Variants in IQSEC1 observed in about 807,000 individuals in gnomAD.
IQSEC1 encodes the protein IQ motif and SEC7 domain-containing protein 1.
A neutral mutation model predicts 91.0 loss-of-function variants in IQSEC1; 31 were observed. The observed-to-expected ratio is 0.34, with a 90% CI of 0.26 to 0.46. The LOEUF is 0.46. Among genes scored for constraint, IQSEC1 ranks in the 20% least tolerant of loss-of-function variants. IQSEC1 has a pLI of 1.00. For missense variants in IQSEC1, 1,388 were observed against 1,575.6 expected (o/e 0.88, Z 2.02); for synonymous variants, 699 against 662.6 (o/e 1.05, Z -0.84).
chr3:13,254,304 G>A (rs1165328079), intron 1 of IQSEC1, among the ~76,000 whole-genome samples: 2 of 152,284 alleles, frequency 1.3e-5, no homozygotes, highest in African/African-American at 4.8e-5. Context: ...CTGAGGCCTC[G>A]CTGGCCAGGA....
chr3:13,005,166 T>C (rs1418816785), intron 1 of IQSEC1, among the ~76,000 whole-genome samples: 3 of 152,318 alleles, frequency 2.0e-5, no homozygotes, highest in African/African-American at 7.2e-5. Flanking sequence ...GGGGTTAATA[T>C]GGCATGGGGG....
At chr3:12,928,846 ACTGAACTGTGAG>A (rs1697388866) in intron 3 of IQSEC1, among the ~76,000 whole-genome samples, 1 of 152,110 alleles carries the variant, frequency 6.6e-6, no homozygotes, top group African/African-American at 2.4e-5. Flanking sequence ...TGCTTCAGCC[ACTGAACTGTGAG>A]CTGAGGGGTC....
intron 1 of IQSEC1, among the ~76,000 whole-genome samples, chr3:13,194,230 C>T (rs762666068): frequency 2.0e-5 from 3 of 152,040 alleles, no homozygotes; most frequent in Non-Finnish European, 2.9e-5. Context: ...GTAACTCAGC[C>T]GGGAGCAGTT....
chr3:13,079,458 G>A lies in IQSEC1; in HGVS notation c.303-31936C>T, dbSNP rs547137079. Among the ~76,000 whole-genome samples the A allele has an allele frequency of 8.5e-5, 13 of 152,318 alleles. No individual in the cohort carries two copies. In the South Asian group the frequency reaches 1.0e-3, roughly 12 times the overall value. ...AGCCACTTGCCTCCTTCTGGTTGCC[G>A]CTTCTTTAATCTCTGGGACTCTGGG... On this transcript the variant is annotated intron_variant, in intron 2 of 15. Transcript: ENST00000648114.
intron 1 of IQSEC1, among the ~76,000 whole-genome samples, chr3:13,031,424 C>T (rs919607042): frequency 1.3e-5 from 2 of 152,184 alleles, no homozygotes; most frequent in African/African-American, 4.8e-5. Flanking sequence ...ACATGGAATC[C>T]AAAAGCTATA....
In IQSEC1 at chr3:12,997,416, CAG is replaced by C. The variant is rs551835088; in HGVS notation, c.24-55553_24-55552del. Among the ~76,000 whole-genome samples the C allele has an allele frequency of 4.3e-4, 66 of 152,328 alleles. 1 individual carries two copies. Among genetic ancestry groups the C allele is most frequent in the African/African-American group, 1.3e-3 (52 of 41,572 alleles). ...TAATAATTGATTTTTAAAAGGTCAA[CAG>C]GGGTTATCTGGGCACAAGCTGATGG... is the stretch of plus-strand genomic sequence containing the variant. On this transcript the variant is annotated intron_variant, in intron 1 of 13. Transcript: ENST00000613206.
intron 1 of IQSEC1, among the ~76,000 whole-genome samples, chr3:13,013,090 A>G (rs1702963010): frequency 6.8e-6 from 1 of 146,274 alleles, no homozygotes; most frequent in African/African-American, 2.5e-5. Context: ...CCTCCCAAGT[A>G]GCTGGGATTA....
At chr3:12,928,385 G>A (rs1049986768) in intron 3 of IQSEC1, among the ~76,000 whole-genome samples, 1 of 152,228 alleles carries the variant, frequency 6.6e-6, no homozygotes, top group African/African-American at 2.4e-5. Context: ...GCTCAGTGAG[G>A]GGGCCTAGGC....
At chr3:13,225,464 T>C (rs1694735681) in intron 1 of IQSEC1, among the ~76,000 whole-genome samples, 1 of 152,208 alleles carries the variant, frequency 6.6e-6, no homozygotes, top group Non-Finnish European at 1.5e-5. Context: ...CTCTGGAACA[T>C]ATGGGCTGTG....
chr3:13,012,964 C>CTTTTTGTTTTTTTTTTTT (rs1702953200), intron 1 of IQSEC1, among the ~76,000 whole-genome samples: 1 of 97,544 alleles, frequency 1.0e-5, no homozygotes, highest in East Asian at 2.5e-4. Context: ...AAAGTCTGGG[C>CTTTTTGTTTTTTTTTTTT]TTTTTTTTTT....
At chr3:13,080,747 C>A (rs1705635422) in intron 2 of IQSEC1, among the ~76,000 whole-genome samples, 1 of 152,186 alleles carries the variant, frequency 6.6e-6, no homozygotes, top group South Asian at 2.1e-4. Context: ...AGCCTGGGAA[C>A]TGGGCTGTGC....
At chr3:12,952,744 A>G (rs1159101495) in intron 1 of IQSEC1, among the ~76,000 whole-genome samples, 1 of 151,906 alleles carries the variant, frequency 6.6e-6, no homozygotes, top group East Asian at 1.9e-4. Flanking sequence ...TGCTGTTCCC[A>G]CTGCTCAGAG....
chr3:12,917,204 A>G (rs776635675), intron 6 of IQSEC1, among the ~76,000 whole-genome samples: 9 of 152,156 alleles, frequency 5.9e-5, no homozygotes, highest in African/African-American at 1.4e-4. Flanking sequence ...CATCCTCACC[A>G]GAGTGCTCCA....
intron 1 of IQSEC1, among the ~76,000 whole-genome samples, chr3:13,175,842 C>T (rs60262169): frequency 0.13 from 20,292 of 152,208 alleles, 1,506 homozygotes; most frequent in Middle Eastern, 0.19. Flanking sequence ...GCTCACCTCT[C>T]GGGTCCTTTA....
chr3:13,033,527 A>G (rs1576194443), intron 1 of IQSEC1, among the ~76,000 whole-genome samples: 1 of 152,084 alleles, frequency 6.6e-6, no homozygotes, highest in Admixed American at 6.6e-5. Context: ...GTATATGTAT[A>G]TATATACATA....
intron 1 of IQSEC1, among the ~76,000 whole-genome samples, chr3:13,023,333 C>A (rs1703483526): frequency 6.6e-6 from 1 of 152,162 alleles, no homozygotes; most frequent in African/African-American, 2.4e-5. Context: ...TGCTCCCAGG[C>A]CCAGCCCAGG....
At chr3:12,955,457 G>A (rs965357339) in intron 1 of IQSEC1, among the ~76,000 whole-genome samples, 3 of 152,222 alleles carry the variant, frequency 2.0e-5, no homozygotes, top group Non-Finnish European at 4.4e-5. Context: ...TGAGGCTCTG[G>A]ATAGGGGGCC....
chr3:13,124,675 C>T (rs149878330), intron 2 of IQSEC1, among the ~76,000 whole-genome samples: 14 of 152,266 alleles, frequency 9.2e-5, no homozygotes, highest in Non-Finnish European at 1.5e-4. Flanking sequence ...AGGGCACTGG[C>T]GGGACTGTCA....
At position 12,909,979 on chromosome 3, in the gene IQSEC1, C is replaced by A. The variant is rs974744090; in HGVS notation, c.2417-545G>T. ...CACTGGATGTTTGAAGGTTCTTGGA[C>A]CAAGTACCAATCCCACCTTGGCTCA... On this transcript the variant is annotated intron_variant, in intron 10 of 13. Coordinates refer to ENST00000613206, the MANE Select transcript of IQSEC1 (RefSeq NM_001134382.3). The surrounding 1 kb of genome is among the most constrained non-coding windows in gnomAD (Gnocchi z 4.9). Among the ~76,000 whole-genome samples the A allele has an allele frequency of 7.2e-5, 11 of 152,212 alleles. 1 individual carries two copies. Among genetic ancestry groups the A allele is most frequent in the Non-Finnish European group, 1.2e-4 (8 of 68,034 alleles).
Sources: gnomAD v4.1 joint callset for allele counts (sites outside exome capture counted in the v4.1 genomes callset) on GRCh38, gnomAD v4.1.1 for gene constraint, Gnocchi (gnomAD v3.1) non-coding constraint, MANE v1.5 for transcripts, NCBI Gene and HGNC (gene_info 2026-07-23, HGNC 2026-07-21) for gene names.